Variants in HDAC1 observed in about 807,000 individuals in gnomAD.
The protein encoded by HDAC1 is histone deacetylase 1, also known as protein deacetylase HDAC1.
Under a neutral mutation model 65.5 loss-of-function variants are expected in HDAC1, and 18 were observed. The ratio of observed to expected loss-of-function variants is 0.27; its 90% CI spans 0.19 to 0.41. The LOEUF (loss-of-function observed/expected upper bound fraction) is 0.41. HDAC1 is among the 10% of genes least tolerant of loss of function. The pLI is 1.00. For synonymous variants in HDAC1, 211 were observed against 227.9 expected (o/e 0.93, Z 0.67); for missense variants, 373 against 625.2 (o/e 0.60, Z 4.30).
intron 2 of HDAC1, among the ~76,000 whole-genome samples, chr1:32,314,799 C>T (rs1641036916): frequency 1.4e-5 from 2 of 145,426 alleles, no homozygotes; most frequent in Admixed American, 1.4e-4. Context: ...GCACTCCAGC[C>T]TGGGCGACAG....
At position 32,305,673 on chromosome 1, in the gene HDAC1, C is replaced by T. The variant is rs114560936; in HGVS notation, c.162+2940C>T. 9.6e-3 allele frequency among the ~76,000 whole-genome samples: 1,436 copies of T among 149,248 alleles called. 8 individuals carry two copies. The highest frequency in any genetic ancestry group is 0.019 in the African/African-American group (765 of 40,408). Reference sequence around the variant, plus strand: ...GCACTCAGGCTGCAGTGCACTGGTGCGATCTCGGCTCACTGCAACCTCTGC... The same window carrying T: ...GCACTCAGGCTGCAGTGCACTGGTGTGATCTCGGCTCACTGCAACCTCTGC... On this transcript the variant is annotated intron_variant, in intron 2 of 13. Transcript: ENST00000373548.
intron 1 of HDAC1, among the ~76,000 whole-genome samples, chr1:32,298,853 C>G (rs1570001834): frequency 6.6e-6 from 1 of 151,994 alleles, no homozygotes; most frequent in Non-Finnish European, 1.5e-5. Context: ...CAAAACTTAG[C>G]CAGGCGTGGT....
In HDAC1 at chr1:32,333,405, G is replaced by GGT. The variant is rs1416426606; in HGVS notation, c.*362_*363insTG. ...CTAGAAGGGGTGGCTGGGTCTTCAA[G>GGT]GATCTCCTGTTTTTTTCAGGCTCCT... On this transcript the variant is annotated 3_prime_UTR_variant, in exon 14 of 14. Coordinates refer to ENST00000373548, the MANE Select transcript of HDAC1 (RefSeq NM_004964.3). 2 of 164,428 alleles carry GGT rather than the reference G, an allele frequency of 1.2e-5. No individual in the cohort carries two copies. Among genetic ancestry groups the GGT allele is most frequent in the South Asian group, 3.4e-4 (2 of 5,804 alleles). The allele number at this position is 164,428 out of a possible 1,614,324, so 10.2% of individuals were successfully genotyped here. A position where few individuals can be genotyped will look rare whatever the true frequency, so the allele number is the denominator to read the frequency against.
In HDAC1 at chr1:32,327,128, C is replaced by T; in HGVS notation, c.494+51C>T. The T allele has an allele frequency of 6.3e-7, 1 of 1,594,482 alleles. No homozygotes were observed. The highest frequency in any genetic ancestry group is 1.1e-5 in the South Asian group (1 of 90,466). On this transcript the variant is annotated intron_variant, in intron 5 of 13. Coordinates refer to ENST00000373548, the MANE Select transcript of HDAC1 (RefSeq NM_004964.3). The surrounding 1 kb of genome is among the most constrained non-coding windows in gnomAD (Gnocchi z 6.0). ...GGAAGAGCACCTTAGGCCAGGTTCC[C>T]ATTTCCCTCTTCCCCTGGGCTTGCC...
Position 32,330,518 on chromosome 1 carries a change from C to A in HDAC1, c.730-60C>A. On this transcript the variant is annotated intron_variant, in intron 7 of 13. Transcript: ENST00000373548. The surrounding 1 kb of genome is among the most constrained non-coding windows in gnomAD (Gnocchi z 4.2). ...TGGGAAAGTGTTGCACCCAGCCTTTCCACTCCAAACCTCGTATTGCTTTCT... is the reference window on the plus strand; with the variant it reads ...TGGGAAAGTGTTGCACCCAGCCTTTACACTCCAAACCTCGTATTGCTTTCT... 1 of 1,180,062 alleles carries A rather than the reference C, an allele frequency of 8.5e-7. No homozygotes were observed. Among genetic ancestry groups the A allele is most frequent in the South Asian group, 1.2e-5 (1 of 81,846 alleles). 73.1% of individuals were successfully genotyped at this position (1,180,062 alleles called of 1,614,324 possible). A position where few individuals can be genotyped will look rare whatever the true frequency, so the allele number is the denominator to read the frequency against.
At chr1:32,301,542 A>T (rs1056373355) in intron 1 of HDAC1, among the ~76,000 whole-genome samples, 13 of 152,182 alleles carry the variant, frequency 8.5e-5, no homozygotes, top group Admixed American at 4.6e-4. Flanking sequence ...GGCCGAGGTG[A>T]GTGGATCAAC....
chr1:32,322,788 C>G (rs962266168), intron 3 of HDAC1, among the ~76,000 whole-genome samples: 1 of 152,174 alleles, frequency 6.6e-6, no homozygotes, highest in African/African-American at 2.4e-5. Flanking sequence ...AGACACTGGG[C>G]TACGGGAGTC....
At chr1:32,314,226 C>G (rs1365312929) in intron 2 of HDAC1, among the ~76,000 whole-genome samples, 1 of 152,142 alleles carries the variant, frequency 6.6e-6, no homozygotes, top group Non-Finnish European at 1.5e-5. Flanking sequence ...GGGTCTTGCT[C>G]TGTTGCCCAG....
Position 32,297,384 on chromosome 1 carries a change from A to G in HDAC1, c.49+5166A>G, listed in dbSNP as rs114812162. On this transcript the variant is annotated intron_variant, in intron 1 of 13. Coordinates refer to ENST00000373548, the MANE Select transcript of HDAC1 (RefSeq NM_004964.3). ...AAATGAGACCTCCCCCAGCTCTACA[A>G]AACAACACAAAAAAATAAGCTGGGT... 7.2e-3 allele frequency among the ~76,000 whole-genome samples: 1,089 copies of G among 152,220 alleles called. 18 individuals are homozygous for G. Among genetic ancestry groups the G allele is most frequent in the African/African-American group, 0.025 (1,046 of 41,534 alleles).
At chr1:32,332,893 C>T in intron 13 of HDAC1, 124 bp from the exon 14 acceptor site, 2 of 1,164,506 alleles carry the variant, frequency 1.7e-6, no homozygotes, top group Non-Finnish European at 2.5e-6. Context: ...CTCTGCAGTT[C>T]TAGGCAGAGC....
chr1:32,297,851 G>A (rs1171634868), intron 1 of HDAC1, among the ~76,000 whole-genome samples: 6 of 141,986 alleles, frequency 4.2e-5, no homozygotes, highest in Admixed American at 1.5e-4. Flanking sequence ...GCGCAGTGGC[G>A]CGATCTCGGC....
At chr1:32,303,418 A>G (rs1640874710) in intron 2 of HDAC1, among the ~76,000 whole-genome samples, 1 of 152,176 alleles carries the variant, frequency 6.6e-6, no homozygotes, top group Non-Finnish European at 1.5e-5. Context: ...TGATTGCACC[A>G]CTGTGCTCCA....
intron 1 of HDAC1, among the ~76,000 whole-genome samples, chr1:32,299,654 C>A (rs1003524023): frequency 6.6e-6 from 1 of 152,128 alleles, no homozygotes; most frequent in African/African-American, 2.4e-5. Context: ...AAGGAGAGAT[C>A]TTTGGGTGTG....
intron 1 of HDAC1, among the ~76,000 whole-genome samples, chr1:32,300,307 A>G (rs1281243221): frequency 6.6e-6 from 1 of 152,190 alleles, no homozygotes; most frequent in African/African-American, 2.4e-5. Context: ...AAACAATCCT[A>G]GCACTTTGGG....
Position 32,332,741 on chromosome 1 carries a change from A to G in HDAC1, c.1413A>G (p.Glu471=). Residue 471 remains glutamate, a synonymous_variant, in exon 13 of 14, where the codon GAA becomes GAG. Coordinates refer to ENST00000373548, the MANE Select transcript of HDAC1 (RefSeq NM_004964.3). ...AGAAAACCAAGGAGGAGAAGCCAGA[A>G]GCCAAAGGGTGAGGAAGGAGCTGCC... The part of the protein sequence containing the change: ...EEEKTKEEKP[E]AKGVKEEVKL... 1.3e-6 allele frequency: 2 copies of G among 1,555,084 alleles called. No homozygotes were observed. Among genetic ancestry groups the G allele is most frequent in the Non-Finnish European group, 8.7e-7 (1 of 1,148,690 alleles).
chr1:32,310,133 C>T (rs537063420), intron 2 of HDAC1, among the ~76,000 whole-genome samples: 4 of 152,312 alleles, frequency 2.6e-5, no homozygotes, highest in African/African-American at 7.2e-5. Context: ...TCCCTCATGG[C>T]AGCCATCAGC....
At position 32,331,899 on chromosome 1, in the gene HDAC1, C is replaced by A. The variant is rs2148073420; in HGVS notation, c.1219+93C>A. ...TGGCTGCACACTCCCTCCAAGCTCCCCACCTGTAGAGAAATCTGTTTTCGA... is the reference window on the plus strand; with the variant it reads ...TGGCTGCACACTCCCTCCAAGCTCCACACCTGTAGAGAAATCTGTTTTCGA... On this transcript the variant is annotated intron_variant, in intron 11 of 13. Transcript: ENST00000373548. This position sits in a 1 kb window ranked among gnomAD's most constrained non-coding sequence, Gnocchi z 4.2. 6.7e-7 allele frequency: 1 copy of A among 1,486,878 alleles called. No individual in the cohort carries two copies. The allele number at this position is 1,486,878 out of a possible 1,614,324, so 92.1% of individuals were successfully genotyped here. A position where few individuals can be genotyped will look rare whatever the true frequency, so the allele number is the denominator to read the frequency against.
intron 2 of HDAC1, among the ~76,000 whole-genome samples, chr1:32,316,022 C>T (rs901744335): frequency 3.3e-5 from 5 of 150,364 alleles, no homozygotes; most frequent in African/African-American, 1.2e-4. Flanking sequence ...GTGGCTCATG[C>T]CTGTAATCTC....
In HDAC1 at chr1:32,329,227, C is replaced by A. The variant is rs980437372; in HGVS notation, c.729+67C>A. The A allele has an allele frequency of 8.9e-6, 8 of 902,256 alleles. No homozygotes were observed. The highest frequency in any genetic ancestry group is 1.6e-5 in the African/African-American group (1 of 61,434). 55.9% of individuals were successfully genotyped at this position (902,256 alleles called of 1,614,324 possible). A position where few individuals can be genotyped will look rare whatever the true frequency, so the allele number is the denominator to read the frequency against. Reference sequence around the variant, plus strand: ...TGGTTGGCGGTGGAGGGGAGCAAAGCACCCCCACCATACCTCAGGAATCTC... The same window carrying A: ...TGGTTGGCGGTGGAGGGGAGCAAAGAACCCCCACCATACCTCAGGAATCTC... On this transcript the variant is annotated intron_variant, in intron 7 of 13. Coordinates refer to ENST00000373548, the MANE Select transcript of HDAC1 (RefSeq NM_004964.3). This position sits in a 1 kb window ranked among gnomAD's most constrained non-coding sequence, Gnocchi z 4.1.
Sources: gnomAD v4.1 joint callset for allele counts (sites outside exome capture counted in the v4.1 genomes callset) on GRCh38, gnomAD v4.1.1 for gene constraint, Gnocchi (gnomAD v3.1) non-coding constraint, MANE v1.5 for transcripts, NCBI Gene and HGNC (gene_info 2026-07-23, HGNC 2026-07-21) for gene names.